OR10J1: variants seen among roughly 807,000 people sequenced by gnomAD.
The protein encoded by OR10J1 is olfactory receptor 10J1.
For synonymous variants in OR10J1, 202 were observed against 143.8 expected (o/e 1.40, Z -2.89); for missense variants, 474 against 376.6 (o/e 1.26, Z -2.14).
chr1:159,412,505 C>A, the OR10J1 span, among the ~76,000 whole-genome samples: 2 of 145,936 alleles, frequency 1.4e-5, no homozygotes, highest in South Asian at 4.3e-4. Flanking sequence ...ATCAACGGAA[C>A]AGAACAGAGC....
the OR10J1 span, among the ~76,000 whole-genome samples, chr1:159,402,894 T>G: frequency 6.6e-6 from 1 of 152,076 alleles, no homozygotes; most frequent in Non-Finnish European, 1.5e-5. Context: ...AACAGCATAC[T>G]AGTGTCATAA....
chr1:159,429,027 T>C, the OR10J1 span, among the ~76,000 whole-genome samples: 1 of 152,244 alleles, frequency 6.6e-6, no homozygotes, highest in Non-Finnish European at 1.5e-5. Flanking sequence ...GAAAGGCCCA[T>C]CTTGGGCTCA....
At chr1:159,439,664 G>A (rs945001718), upstream of OR10J1, 3 of 1,140,062 alleles carry the variant, frequency 2.6e-6, no homozygotes, top group Admixed American at 4.1e-5. Context: ...TAATCCACTA[G>A]GAAATACATC....
upstream of OR10J1, chr1:159,432,943 A>C (rs1197255992): frequency 2.3e-6 from 1 of 432,136 alleles, no homozygotes; most frequent in East Asian, 3.3e-5. Context: ...CACACCTCAC[A>C]GTGGTCATTG....
chr1:159,418,590 G>A, the OR10J1 span, among the ~76,000 whole-genome samples: 4 of 152,220 alleles, frequency 2.6e-5, no homozygotes, highest in Non-Finnish European at 2.9e-5. Context: ...GTTTGCTGCA[G>A]GGGTGGGGCC....
chr1:159,411,466 C>A, the OR10J1 span, among the ~76,000 whole-genome samples: 5 of 152,154 alleles, frequency 3.3e-5, no homozygotes, highest in African/African-American at 1.2e-4. Flanking sequence ...CCTTCTTTGT[C>A]TCTTTTGATC....
the OR10J1 span, among the ~76,000 whole-genome samples, chr1:159,417,681 G>A: frequency 2.0e-5 from 3 of 152,112 alleles, no homozygotes; most frequent in Admixed American, 1.3e-4. Context: ...CAGTAAATTG[G>A]TACCAGGAGT....
chr1:159,440,245 G>A lies in OR10J1; in HGVS notation c.454G>A (p.Gly152Arg). 6.2e-7 allele frequency: 1 copy of A among 1,614,084 alleles called. No homozygotes were observed. The highest frequency in any genetic ancestry group is 1.1e-5 in the South Asian group (1 of 91,084). Residue 152 changes from glycine to arginine, a missense_variant, in exon 1 of 1, where the codon GGG becomes AGG. Transcript: ENST00000423932. ...ACTTGTCCTGGGGGCCTGCAGCATT[G>A]GGCTGATTGTAGCAATAACGCAAGT... ...IQLVLGACSI[G>R]LIVAITQVTS...
chr1:159,412,012 C>T, the OR10J1 span, among the ~76,000 whole-genome samples: 3 of 152,078 alleles, frequency 2.0e-5, no homozygotes, highest in African/African-American at 7.2e-5. Context: ...AATCAATGTA[C>T]AAAAATCACA....
At chr1:159,432,792 G>GA in the OR10J1 span, 52 of 273,390 alleles carry the variant, frequency 1.9e-4, no homozygotes, top group East Asian at 2.2e-3. Flanking sequence ...TACTATCAAG[G>GA]AGTTATTACT....
chr1:159,402,643 T>G, the OR10J1 span, among the ~76,000 whole-genome samples: 209 of 152,098 alleles, frequency 1.4e-3, 2 homozygotes, highest in Non-Finnish European at 1.5e-4. Flanking sequence ...GATTCCATGT[T>G]TATGGGTGGA....
At chr1:159,414,147 C>T in the OR10J1 span, among the ~76,000 whole-genome samples, 8 of 152,032 alleles carry the variant, frequency 5.3e-5, no homozygotes, top group Non-Finnish European at 1.0e-4. Context: ...TACGTTGTTA[C>T]TAGCTGCAGT....
At chr1:159,418,411 G>A in the OR10J1 span, among the ~76,000 whole-genome samples, 1 of 152,162 alleles carries the variant, frequency 6.6e-6, no homozygotes, top group Admixed American at 6.5e-5. Context: ...ATGGTTAAAA[G>A]GGACCAAGGT....
chr1:159,417,908 C>A, the OR10J1 span, among the ~76,000 whole-genome samples: 1 of 152,124 alleles, frequency 6.6e-6, no homozygotes, highest in African/African-American at 2.4e-5. Flanking sequence ...AGATGAGAAA[C>A]CTGTTGGGAA....
chr1:159,427,865 T>G, the OR10J1 span, among the ~76,000 whole-genome samples: 5 of 152,166 alleles, frequency 3.3e-5, no homozygotes, highest in Non-Finnish European at 5.9e-5. Flanking sequence ...AGTAGGGGTT[T>G]CCGTTAAAAC....
chr1:159,440,613 G>T lies in OR10J1; in HGVS notation c.822G>T (p.Ser274=). 6.2e-7 allele frequency: 1 copy of T among 1,613,514 alleles called. No homozygotes were observed. The highest frequency in any genetic ancestry group is 1.3e-5 in the African/African-American group (1 of 74,870). Residue 274 remains serine, a synonymous_variant, in exon 1 of 1, where the codon TCG becomes TCT. Transcript: ENST00000423932. ...CCAGAGAACATGACCAGCTGATCTC[G>T]GTGACCTACACTGTCATCACTCCCC... ...ENTREHDQLI[S]VTYTVITPLL...
At chr1:159,435,847 G>A (rs1378617324), upstream of OR10J1, among the ~76,000 whole-genome samples, 1 of 152,164 alleles carries the variant, frequency 6.6e-6, no homozygotes, top group Non-Finnish European at 1.5e-5. Flanking sequence ...TCTTTTGGCT[G>A]TTTTGCCAGC....
At chr1:159,431,075 T>C in the OR10J1 span, among the ~76,000 whole-genome samples, 16 of 152,132 alleles carry the variant, frequency 1.1e-4, no homozygotes, top group Non-Finnish European at 2.4e-4. Flanking sequence ...GACTAAAAAA[T>C]AGAAGCAGAA....
chr1:159,427,563 A>G, the OR10J1 span, among the ~76,000 whole-genome samples: 1 of 151,946 alleles, frequency 6.6e-6, no homozygotes, highest in East Asian at 1.9e-4. Context: ...AGATTTGGAG[A>G]AAAGGATATA....
Sources: gnomAD v4.1 joint callset for allele counts (sites outside exome capture counted in the v4.1 genomes callset) on GRCh38, gnomAD v4.1.1 for gene constraint, MANE v1.5 for transcripts, NCBI Gene and HGNC (gene_info 2026-07-23, HGNC 2026-07-21) for gene names.